Variants in ALCAM observed in about 807,000 individuals in gnomAD.
ALCAM encodes activated leukocyte cell adhesion molecule.
Under a neutral mutation model 70.9 loss-of-function variants are expected in ALCAM, and 30 were observed. The observed-to-expected ratio is 0.42, with a 90% CI of 0.32 to 0.57. The LOEUF (loss-of-function observed/expected upper bound fraction) is 0.57. ALCAM is among the 20% of genes least tolerant of loss of function. ALCAM has a pLI of 0.11. For synonymous variants in ALCAM, 249 were observed against 242.5 expected, an observed-to-expected ratio of 1.03 and a Z score of -0.25; for missense variants, 591 against 695.1, an observed-to-expected ratio of 0.85 and a Z score of 1.68.
At chr3:105,442,128 T>G (rs1937185160) in intron 1 of ALCAM, among the ~76,000 whole-genome samples, 1 of 152,166 alleles carries the variant, frequency 6.6e-6, no homozygotes. Flanking sequence ...ATGCTGGGTT[T>G]GAGGTTGGAT....
At chr3:105,386,750 C>T (rs936710942) in intron 1 of ALCAM, among the ~76,000 whole-genome samples, 1 of 151,216 alleles carries the variant, frequency 6.6e-6, no homozygotes, top group Non-Finnish European at 1.5e-5. Context: ...TATATTCTTT[C>T]CCATCAAGTT....
chr3:105,574,756 T>C lies in ALCAM; in HGVS notation c.*305T>C, dbSNP rs1282086947. ...GGATTTCTTTTTGGTTTGCCTTTTA[T>C]GTAAATTTTTTACGTAGCTATTTTT... On this transcript the variant is annotated 3_prime_UTR_variant, in exon 16 of 16. Coordinates refer to ENST00000306107, the MANE Select transcript of ALCAM (RefSeq NM_001627.4). The C allele has an allele frequency of 6.6e-6, 1 of 152,670 alleles. No individual in the cohort carries two copies. The highest frequency in any genetic ancestry group is 1.9e-4 in the East Asian group (1 of 5,206). The allele number at this position is 152,670 out of a possible 1,614,324, so 9.5% of individuals were successfully genotyped here.
At chr3:105,495,697 A>G (rs1342354463) in intron 1 of ALCAM, among the ~76,000 whole-genome samples, 2 of 152,216 alleles carry the variant, frequency 1.3e-5, no homozygotes, top group Non-Finnish European at 2.9e-5. Context: ...GTTTATGTCT[A>G]AAATTAGCAA....
chr3:105,489,657 A>G (rs1385650566), intron 1 of ALCAM, among the ~76,000 whole-genome samples: 1 of 152,186 alleles, frequency 6.6e-6, no homozygotes, highest in Non-Finnish European at 1.5e-5. Context: ...TTAAATGGGT[A>G]TATTTTAGGT....
At chr3:105,456,494 GA>G (rs954722803) in intron 1 of ALCAM, among the ~76,000 whole-genome samples, 3 of 152,034 alleles carry the variant, frequency 2.0e-5, no homozygotes, top group African/African-American at 7.2e-5. Context: ...TGTATTCCCA[GA>G]AAAAAATTCA....
At chr3:105,563,624 C>A (rs1040495948) in intron 14 of ALCAM, among the ~76,000 whole-genome samples, 6 of 144,126 alleles carry the variant, frequency 4.2e-5, no homozygotes, top group African/African-American at 1.6e-4. Context: ...TGGTTTCTTC[C>A]TTGAAGTCAA....
chr3:105,487,210 T>A (rs1938455809), intron 1 of ALCAM, among the ~76,000 whole-genome samples: 1 of 152,106 alleles, frequency 6.6e-6, no homozygotes, highest in African/African-American at 2.4e-5. Context: ...ATAACAAGGA[T>A]CCGTCCCATT....
rs747080030 is a variant in ALCAM, at chr3:105,547,431, G to A, written c.1282G>A (p.Gly428Arg). Residue 428 changes from glycine to arginine, a missense_variant, in exon 11 of 16, where the codon GGA (glycine) becomes AGA (arginine). Gly to Arg is a moderately radical substitution (Grantham distance 125). Transcript: ENST00000306107. ...IKMTKKTDPS[G>R]LSKTIICHVE... ...AATGACAAAGAAAACTGATCCCAGT[G>A]GACTATCTAAAACAATAATCTGCCA... The A allele has an allele frequency of 2.5e-6, 4 of 1,609,880 alleles. No individual in the cohort carries two copies. In the South Asian group the frequency reaches 3.3e-5, roughly 13 times the overall value.
At chr3:105,548,290 G>C (rs899299538) in intron 11 of ALCAM, among the ~76,000 whole-genome samples, 8 of 151,220 alleles carry the variant, frequency 5.3e-5, no homozygotes, top group African/African-American at 1.9e-4. Context: ...CAATCTGCTT[G>C]GGTTGCTGAC....
chr3:105,408,625 T>C (rs959998756), intron 1 of ALCAM, among the ~76,000 whole-genome samples: 2 of 151,982 alleles, frequency 1.3e-5, no homozygotes, highest in East Asian at 3.9e-4. Context: ...AAAACCTCTC[T>C]AGACATTGAG....
At chr3:105,382,715 T>A (rs1188982180) in intron 1 of ALCAM, among the ~76,000 whole-genome samples, 2 of 152,082 alleles carry the variant, frequency 1.3e-5, no homozygotes, top group Admixed American at 6.6e-5. Context: ...TTTTCATGTG[T>A]CTCTTGCCTG....
At chr3:105,550,514 A>G (rs995855267) in intron 12 of ALCAM, among the ~76,000 whole-genome samples, 2 of 151,568 alleles carry the variant, frequency 1.3e-5, no homozygotes, top group African/African-American at 4.8e-5. Flanking sequence ...AGTTCCCAAA[A>G]GCAACAGAGA....
chr3:105,571,823 A>T (rs1220696981), intron 14 of ALCAM, 29 bp from the exon 15 acceptor site: 1 of 1,457,290 alleles, frequency 6.9e-7, no homozygotes, highest in East Asian at 2.3e-5. Context: ...ATGTGTCAAT[A>T]TGATGAAGTT....
At chr3:105,562,823 AAGAC>A (rs61252164) in intron 14 of ALCAM, among the ~76,000 whole-genome samples, 1,595 of 152,158 alleles carry the variant, frequency 0.01, 23 homozygotes, top group African/African-American at 0.02. Context: ...TTTTCTGTTT[AAGAC>A]AGAGTTTCAC....
At chr3:105,369,337 C>T (rs879789311) in intron 1 of ALCAM, among the ~76,000 whole-genome samples, 3 of 152,150 alleles carry the variant, frequency 2.0e-5, no homozygotes, top group Admixed American at 6.5e-5. Context: ...GTTCTTTTGG[C>T]GCCACAGGCT....
intron 14 of ALCAM, among the ~76,000 whole-genome samples, chr3:105,559,258 A>G (rs1474367355): frequency 6.8e-6 from 1 of 148,104 alleles, no homozygotes; most frequent in African/African-American, 2.5e-5. Context: ...ATATATATAC[A>G]TATTTATATA....
At chr3:105,509,334 G>A (rs890494378) in intron 1 of ALCAM, among the ~76,000 whole-genome samples, 21 of 151,848 alleles carry the variant, frequency 1.4e-4, no homozygotes, top group African/African-American at 4.6e-4. Flanking sequence ...CACCAAGAGC[G>A]TACAAGGATT....
chr3:105,421,474 T>A (rs1217130773), intron 1 of ALCAM, among the ~76,000 whole-genome samples: 3 of 151,508 alleles, frequency 2.0e-5, no homozygotes, highest in Non-Finnish European at 4.4e-5. Flanking sequence ...TTTAAAGAAT[T>A]CTCTATTTTT....
chr3:105,568,118 T>A (rs975579694), intron 14 of ALCAM, among the ~76,000 whole-genome samples: 3 of 148,244 alleles, frequency 2.0e-5, no homozygotes, highest in African/African-American at 7.4e-5. Context: ...TGGAGTGCAA[T>A]GGTACAATAT....
Sources: gnomAD v4.1 joint callset for allele counts (sites outside exome capture counted in the v4.1 genomes callset) on GRCh38, gnomAD v4.1.1 for gene constraint, MANE v1.5 for transcripts, NCBI Gene and HGNC (gene_info 2026-07-23, HGNC 2026-07-21) for gene names.